The following FBXO31 variants were observed in gnomAD, a reference collection of about 807,000 sequenced individuals.
FBXO31 encodes F-box protein 31.
Under a neutral mutation model 54.4 loss-of-function variants are expected in FBXO31, and 24 were observed. That is an observed-to-expected ratio of 0.44 (90% CI 0.32 to 0.62). The LOEUF is 0.62. FBXO31 is among the 20% of genes least tolerant of loss of function. The pLI, the probability that FBXO31 is intolerant of heterozygous loss-of-function variation, is 0.05. For synonymous variants in FBXO31, 388 were observed against 335.6 expected, an observed-to-expected ratio of 1.16 and a Z score of -1.71; for missense variants, 665 against 787.1, an observed-to-expected ratio of 0.84 and a Z score of 1.86.
chr16:87,379,336 G>C (rs1381958197), intron 1 of FBXO31, among the ~76,000 whole-genome samples: 2 of 152,178 alleles, frequency 1.3e-5, no homozygotes, highest in African/African-American at 2.4e-5. Context: ...GGGGAGAATA[G>C]CTGAAGGCAG....
intron 2 of FBXO31, among the ~76,000 whole-genome samples, chr16:87,356,764 ATGTAGGTC>A (rs966282468): frequency 2.0e-5 from 3 of 152,138 alleles, no homozygotes; most frequent in African/African-American, 7.2e-5. Flanking sequence ...GAAACTTAAG[ATGTAGGTC>A]TGCTCCCAAC....
chr16:87,359,939 T>C (rs541942163), intron 2 of FBXO31, among the ~76,000 whole-genome samples: 1 of 152,302 alleles, frequency 6.6e-6, no homozygotes, highest in South Asian at 2.1e-4. Context: ...ACAGCTTCAT[T>C]TCCCAATGAC....
intron 8 of FBXO31, among the ~76,000 whole-genome samples, chr16:87,331,884 A>C (rs1321425634): frequency 6.6e-6 from 1 of 152,166 alleles, no homozygotes; most frequent in Non-Finnish European, 1.5e-5. Context: ...GTTCCAAAAC[A>C]CACATTTCAT....
In FBXO31 at chr16:87,331,117, C is replaced by A. The variant is rs905084174; in HGVS notation, c.*171G>T. On this transcript the variant is annotated 3_prime_UTR_variant, in exon 9 of 9. Coordinates refer to ENST00000311635, the MANE Select transcript of FBXO31 (RefSeq NM_024735.5). ...TCATGGCACTGACAAATATGCAGGT[C>A]TATGTCACACTCTCTACATAAAGTG... The A allele has an allele frequency of 3.1e-5, 19 of 617,994 alleles. No homozygotes were observed. The highest frequency in any genetic ancestry group is 4.6e-5 in the Non-Finnish European group (16 of 349,250). The allele number at this position is 617,994 out of a possible 1,614,324, so 38.3% of individuals were successfully genotyped here. A position where few individuals can be genotyped will look rare whatever the true frequency, so the allele number is the denominator to read the frequency against.
Position 87,383,551 on chromosome 16 carries a change from C to G in FBXO31, c.194G>C (p.Cys65Ser), listed in dbSNP as rs761427724. The G allele has an allele frequency of 6.4e-7, 1 of 1,559,146 alleles. No homozygotes were observed. The highest frequency in any genetic ancestry group is 1.2e-5 in the South Asian group (1 of 84,622). Reference sequence around the variant, plus strand: ...CTCGGGCGGCAGCTCCAGCAGCGAGCAGCGCGGGGGCGGCGGCGAGGGGCC... The same window carrying G: ...CTCGGGCGGCAGCTCCAGCAGCGAGGAGCGCGGGGGCGGCGGCGAGGGGCC... The part of the protein sequence containing the change: ...CAGPSPPPPR[C>S]SLLELPPELL... Residue 65 changes from cysteine (C) to serine (S), a missense_variant, in exon 1 of 9, where the codon TGC becomes TCC. Physicochemically the swap from Cys to Ser is moderately radical, Grantham distance 112. This residue lies in a region of FBXO31 where 195 missense variants were observed against 174.8 expected (regional missense o/e 1.12). Coordinates refer to ENST00000311635, the MANE Select transcript of FBXO31 (RefSeq NM_024735.5). This position sits in a 1 kb window ranked among gnomAD's most constrained non-coding sequence, Gnocchi z 4.9.
At chr16:87,377,438 AGACCC>A (rs1256626922) in intron 1 of FBXO31, among the ~76,000 whole-genome samples, 1 of 152,146 alleles carries the variant, frequency 6.6e-6, no homozygotes, top group Non-Finnish European at 1.5e-5. Flanking sequence ...ATCACGAGGG[AGACCC>A]TGTCTCAAAA....
At chr16:87,384,465 C>T (rs915876010), upstream of FBXO31, among the ~76,000 whole-genome samples, 1 of 152,066 alleles carries the variant, frequency 6.6e-6, no homozygotes, top group African/African-American at 2.4e-5. Flanking sequence ...AAAGGGAGGC[C>T]CTGCCATGCG....
upstream of FBXO31, among the ~76,000 whole-genome samples, chr16:87,385,131 CCA>C (rs1333324465): frequency 6.7e-6 from 1 of 149,144 alleles, no homozygotes; most frequent in African/African-American, 2.5e-5. Flanking sequence ...ACCAGCCTAC[CCA>C]CATAGTGAGA....
chr16:87,347,350 A>AGG, intron 2 of FBXO31, 100 bp from the exon 3 acceptor site: 1 of 985,808 alleles, frequency 1.0e-6, no homozygotes, highest in Non-Finnish European at 1.6e-6. Context: ...AGGACTCACA[A>AGG]AAGGCTTGCA....
In FBXO31 at chr16:87,335,778, G is replaced by A. The variant is rs1304453440; in HGVS notation, c.843-321C>T. 6.6e-6 allele frequency among the ~76,000 whole-genome samples: 1 copy of A among 152,152 alleles called. No homozygotes were observed. The highest frequency in any genetic ancestry group is 1.5e-5 in the Non-Finnish European group (1 of 68,006). ...AGAAAGGAGCCCAAGTCACCATGGA[G>A]GGGATCCCCGCACTGGGCTGAGCGG... is the stretch of plus-strand genomic sequence containing the variant. On this transcript the variant is annotated intron_variant, in intron 6 of 8. Coordinates refer to ENST00000311635, the MANE Select transcript of FBXO31 (RefSeq NM_024735.5). The surrounding 1 kb of genome is among the most constrained non-coding windows in gnomAD (Gnocchi z 5.7).
intron 5 of FBXO31, among the ~76,000 whole-genome samples, chr16:87,340,649 A>C (rs1905162796): frequency 6.6e-6 from 1 of 152,192 alleles, no homozygotes. Context: ...AGATGGATAC[A>C]TCTGCTTATG....
chr16:87,390,478 T>C (rs576077851), upstream of FBXO31, among the ~76,000 whole-genome samples: 15 of 151,750 alleles, frequency 9.9e-5, no homozygotes, highest in South Asian at 1.0e-3. Flanking sequence ...TTTCGCTCTT[T>C]CCCCCAGGCT....
intron 4 of FBXO31, among the ~76,000 whole-genome samples, chr16:87,343,384 G>A (rs979989899): frequency 3.3e-5 from 5 of 152,274 alleles, no homozygotes; most frequent in African/African-American, 9.6e-5. Context: ...CTAACTGAGA[G>A]CAGAATCAAG....
In FBXO31 at chr16:87,375,694, G is replaced by A. The variant is rs567080230; in HGVS notation, c.340+7711C>T. Among the ~76,000 whole-genome samples, 6 of 152,184 alleles carry A rather than the reference G, an allele frequency of 3.9e-5. No homozygotes were observed. The East Asian group carries it at 5.8e-4, about 15-fold the overall frequency. ...CAAGGAACTGCCAGAGGCCGAGGGC[G>A]ACACATCAAAGAAGGGTCCCACACC... On this transcript the variant is annotated intron_variant, in intron 1 of 8. Transcript: ENST00000311635.
chr16:87,340,684 G>A (rs935179064), intron 5 of FBXO31, among the ~76,000 whole-genome samples: 11 of 152,340 alleles, frequency 7.2e-5, no homozygotes, highest in Admixed American at 3.9e-4. Flanking sequence ...ACGGCTGGGC[G>A]TGGTGGCTCA....
chr16:87,334,063 G>C lies in FBXO31; in HGVS notation c.1220C>G (p.Pro407Arg), dbSNP rs546757815. 3 of 1,611,424 alleles carry C rather than the reference G, an allele frequency of 1.9e-6. No individual in the cohort carries two copies. In the South Asian group the frequency reaches 3.3e-5, roughly 18 times the overall value. The part of the protein sequence containing the change: ...PRESQPSPAQ[P>R]RAEAPSKGPD... ...GCCCTTGCTGGGCGCCTCTGCCCTG[G>C]GCTGGGCAGGGCTTGGCTGGGACTC... Residue 407 changes from proline (P) to arginine (R), a missense_variant, in exon 8 of 9, where the codon CCC (proline) becomes CGC (arginine). Pro to Arg is a moderately radical substitution (Grantham distance 103). This residue lies in a region of FBXO31 where 165 missense variants were observed against 159.7 expected (regional missense o/e 1.03). Transcript: ENST00000311635.
At position 87,346,369 on chromosome 16, in the gene FBXO31, C is replaced by A. The variant is rs1017120156; in HGVS notation, c.489+805G>T. The stretch of plus-strand genomic sequence containing the variant: ...TGGAGATCAGGAGAAAAGGCGGGGG[C>A]TAGACTCGAAAGAAACTTTCACTAC... On this transcript the variant is annotated intron_variant, in intron 3 of 8. Coordinates refer to ENST00000311635, the MANE Select transcript of FBXO31 (RefSeq NM_024735.5). This position sits in a 1 kb window ranked among gnomAD's most constrained non-coding sequence, Gnocchi z 4.2. Among the ~76,000 whole-genome samples, 12 of 152,038 alleles carry A rather than the reference C, an allele frequency of 7.9e-5. No homozygotes were observed. Among genetic ancestry groups the A allele is most frequent in the Admixed American group, 7.2e-4 (11 of 15,272 alleles).
At chr16:87,387,550 C>G (rs1348791967), upstream of FBXO31, among the ~76,000 whole-genome samples, 3 of 152,180 alleles carry the variant, frequency 2.0e-5, no homozygotes, top group Admixed American at 2.0e-4. Context: ...GTGGCTTACA[C>G]CTGTAATCCC....
chr16:87,388,958 C>T (rs1567494925), intron 1 of FBXO31, among the ~76,000 whole-genome samples: 2 of 152,112 alleles, frequency 1.3e-5, no homozygotes, highest in African/African-American at 4.8e-5. Flanking sequence ...TATTAACTAG[C>T]TTAAAATAAT....
Sources: gnomAD v4.1 joint callset for allele counts (sites outside exome capture counted in the v4.1 genomes callset) on GRCh38, gnomAD v4.1.1 for gene constraint, gnomAD v4.1.1 regional missense constraint, Gnocchi (gnomAD v3.1) non-coding constraint, MANE v1.5 for transcripts, NCBI Gene and HGNC (gene_info 2026-07-23, HGNC 2026-07-21) for gene names.